The following PLAC1 variants were observed in gnomAD, a reference collection of about 807,000 sequenced individuals.
The protein encoded by PLAC1 is placenta-specific protein 1.
For synonymous variants in PLAC1, 68 were observed against 62.1 expected (o/e 1.09, Z -0.44); for missense variants, 136 against 163.2 (o/e 0.83, Z 0.91).
At chrX:134,678,203 C>T (rs2078482016) in intron 2 of PLAC1, among the ~76,000 whole-genome samples, 1 of 111,621 alleles carries the variant, frequency 9.0e-6, no homozygotes, top group Non-Finnish European at 1.9e-5. Context: ...TTTCTTATCA[C>T]ACTTGGAATA....
At chrX:134,704,227 C>T (rs944133041) in intron 2 of PLAC1, among the ~76,000 whole-genome samples, 4 of 109,137 alleles carry the variant, frequency 3.7e-5, no homozygotes, top group Admixed American at 9.8e-5. Context: ...GGCGTGGTGG[C>T]TTACACCTGT....
At chrX:134,583,388 C>CTT (rs752955065) in intron 2 of PLAC1, among the ~76,000 whole-genome samples, 684 of 66,568 alleles carry the variant, frequency 0.01, 10 homozygotes, top group South Asian at 0.027. Flanking sequence ...CTATGCCTGG[C>CTT]TTTTTTTTTT....
At chrX:134,730,002 G>A (rs2078684200) in intron 2 of PLAC1, among the ~76,000 whole-genome samples, 1 of 110,808 alleles carries the variant, frequency 9.0e-6, no homozygotes, top group Non-Finnish European at 1.9e-5. Context: ...TGTTGGCCAG[G>A]CTGGTCTCGA....
chrX:134,694,530 A>C (rs976121588), intron 2 of PLAC1, among the ~76,000 whole-genome samples: 2 of 112,114 alleles, frequency 1.8e-5, no homozygotes, highest in Non-Finnish European at 1.9e-5. Flanking sequence ...AGCAGGCCTG[A>C]CTATTTTGGG....
chrX:134,615,909 C>A (rs772725666), intron 1 of PLAC1, among the ~76,000 whole-genome samples: 3 of 110,389 alleles, frequency 2.7e-5, no homozygotes, highest in Middle Eastern at 4.7e-3. Flanking sequence ...TTTATGGGCT[C>A]TCTATTCTAT....
At chrX:134,672,192 G>A (rs937330046) in intron 2 of PLAC1, among the ~76,000 whole-genome samples, 2 of 112,240 alleles carry the variant, frequency 1.8e-5, no homozygotes, top group Non-Finnish European at 1.9e-5. Flanking sequence ...CCTACTATTG[G>A]AATAGTCCAA....
At chrX:134,680,585 AAACTAAACTAAACTAAACT>A (rs1440693168) in intron 2 of PLAC1, among the ~76,000 whole-genome samples, 4 of 104,841 alleles carry the variant, frequency 3.8e-5, no homozygotes, top group Non-Finnish European at 7.9e-5. Flanking sequence ...AAACTAAACT[AAACTAAACTAAACTAAACT>A]AAACACCTTC....
intron 2 of PLAC1, among the ~76,000 whole-genome samples, chrX:134,696,085 A>T (rs1483203783): frequency 1.8e-5 from 2 of 112,002 alleles, no homozygotes; most frequent in African/African-American, 6.5e-5. Context: ...ATACAAAAAA[A>T]ATCCATTGGT....
intron 1 of PLAC1, among the ~76,000 whole-genome samples, chrX:134,760,634 G>A (rs2078767477): frequency 9.2e-6 from 1 of 108,360 alleles, no homozygotes. Context: ...TACAGTGTTA[G>A]GTTAAAAAAA....
At chrX:134,749,335 AAAC>A (rs775185314) in intron 1 of PLAC1, among the ~76,000 whole-genome samples, 68 of 111,558 alleles carry the variant, frequency 6.1e-4, no homozygotes, top group Non-Finnish European at 1.1e-3. Context: ...CAAAACAAAC[AAAC>A]AACAACAACA....
intron 2 of PLAC1, chrX:134,601,460 T>C (rs1352455915): frequency 1.8e-5 from 2 of 112,168 alleles, no homozygotes; most frequent in African/African-American, 6.5e-5. Context: ...CCAATTTGCA[T>C]TCCTATTAGT....
rs750982923 is a variant in PLAC1 at position 134,747,365 on chromosome X, G to C, written n.90-13846C>G. 2.1e-4 allele frequency among the ~76,000 whole-genome samples: 23 copies of C among 111,395 alleles called. No individual in the cohort carries two copies. The South Asian group carries it at 8.8e-3, about 43-fold the overall frequency. On this transcript the variant is annotated intron_variant and non_coding_transcript_variant, in intron 1 of 2. Coordinates refer to the PLAC1 transcript ENST00000466797. The stretch of plus-strand genomic sequence containing the variant: ...ATGGAGAAGAGAAGATAAATGAGGA[G>C]GGGGTGGGGAAAGTGGTGACCTGAC...
At chrX:134,676,587 G>A (rs1207661174) in intron 2 of PLAC1, among the ~76,000 whole-genome samples, 5 of 112,288 alleles carry the variant, frequency 4.5e-5, no homozygotes, top group Middle Eastern at 9.2e-3. Context: ...ACAACTTCTT[G>A]TGACTTAACT....
rs1391775697 is a variant in PLAC1, at chrX:134,747,418, C to G, written n.90-13899G>C. On this transcript the variant is annotated intron_variant and non_coding_transcript_variant, in intron 1 of 2. Transcript: ENST00000466797. ...CCCTGGGAAACACCCTGCTATATTT[C>G]GAGTTGCCTGGTCACTCAGCTTAAT... Among the ~76,000 whole-genome samples, 6 of 111,721 alleles carry G rather than the reference C, an allele frequency of 5.4e-5. No individual in the cohort carries two copies. In the South Asian group the frequency reaches 2.3e-3, roughly 42 times the overall value.
chrX:134,680,167 A>T (rs2078489570), intron 2 of PLAC1, among the ~76,000 whole-genome samples: 1 of 112,131 alleles, frequency 8.9e-6, no homozygotes, highest in South Asian at 3.7e-4. Flanking sequence ...CTCACAGAGC[A>T]CCAACTAAGA....
At chrX:134,633,099 G>T (rs1261398751) in intron 1 of PLAC1, among the ~76,000 whole-genome samples, 2 of 111,786 alleles carry the variant, frequency 1.8e-5, no homozygotes, top group Non-Finnish European at 3.8e-5. Flanking sequence ...TATTTTGGGG[G>T]TGTATGGCTC....
At chrX:134,682,145 T>C (rs1406271997) in intron 2 of PLAC1, among the ~76,000 whole-genome samples, 2 of 112,478 alleles carry the variant, frequency 1.8e-5, no homozygotes, top group Non-Finnish European at 3.8e-5. Context: ...CATACGTTGA[T>C]GATCATTGTC....
intron 2 of PLAC1, among the ~76,000 whole-genome samples, chrX:134,578,479 T>G (rs2124357651): frequency 2.1e-5 from 2 of 95,740 alleles, no homozygotes; most frequent in South Asian, 5.3e-4. Flanking sequence ...CCCTAAAGCC[T>G]GGGGGTGGGG....
chrX:134,571,868 C>T (rs1482789682), intron 2 of PLAC1, among the ~76,000 whole-genome samples: 1 of 111,540 alleles, frequency 9.0e-6, no homozygotes, highest in Admixed American at 9.6e-5. Flanking sequence ...GGTTTTGGAA[C>T]GGTTTGGAAA....
Sources: allele counts gnomAD v4.1 joint callset (sites outside exome capture counted in the v4.1 genomes callset), GRCh38; gene constraint gnomAD v4.1.1; transcripts MANE v1.5; gene names NCBI Gene and HGNC (gene_info 2026-07-23, HGNC 2026-07-21).